The following NAALADL2 variants were observed in gnomAD, a reference collection of about 807,000 sequenced individuals.
NAALADL2 encodes the protein N-acetylated alpha-linked acidic dipeptidase like 2.
NAALADL2 carries 76 observed loss-of-function variants against 87.2 expected under a neutral mutation model. That is an observed-to-expected ratio of 0.87 (90% CI 0.72 to 1.05). The LOEUF (loss-of-function observed/expected upper bound fraction) is 1.05. NAALADL2 is among the 50% of genes least tolerant of loss of function. The pLI is 0.00. For synonymous variants in NAALADL2, 354 were observed against 331.0 expected, an observed-to-expected ratio of 1.07 and a Z score of -0.75; for missense variants, 1,089 against 945.8, an observed-to-expected ratio of 1.15 and a Z score of -1.99.
chr3:175,196,553 A>G (rs1739030698), intron 2 of NAALADL2, among the ~76,000 whole-genome samples: 1 of 151,898 alleles, frequency 6.6e-6, no homozygotes, highest in African/African-American at 2.4e-5. Flanking sequence ...TAAATTCTTC[A>G]GCTTTAGACT....
chr3:174,850,186 AT>A (rs1048877676), intron 3 of NAALADL2, among the ~76,000 whole-genome samples: 70 of 149,450 alleles, frequency 4.7e-4, no homozygotes, highest in African/African-American at 8.8e-4. Flanking sequence ...GGTTGGAAGT[AT>A]TTTTTTTTTC....
chr3:174,490,489 T>C (rs908262785), intron 1 of NAALADL2, among the ~76,000 whole-genome samples: 2 of 152,126 alleles, frequency 1.3e-5, no homozygotes, highest in African/African-American at 4.8e-5. Context: ...TTTGCAACCA[T>C]GTGAATATAC....
At chr3:175,488,432 G>A (rs888421904) in intron 9 of NAALADL2, among the ~76,000 whole-genome samples, 1 of 152,222 alleles carries the variant, frequency 6.6e-6, no homozygotes, top group African/African-American at 2.4e-5. Context: ...TTTTCCATTT[G>A]TCTGGTGTGT....
chr3:174,818,759 A>G (rs1721070852), intron 3 of NAALADL2, among the ~76,000 whole-genome samples: 1 of 152,096 alleles, frequency 6.6e-6, no homozygotes, highest in African/African-American at 2.4e-5. Context: ...GCCTTCGTCT[A>G]TGGGATAGAC....
At chr3:175,697,269 A>G (rs1425811672) in intron 11 of NAALADL2, among the ~76,000 whole-genome samples, 1 of 151,986 alleles carries the variant, frequency 6.6e-6, no homozygotes, top group Non-Finnish European at 1.5e-5. Context: ...AATAGATGTG[A>G]TTCTTCTCAT....
intron 1 of NAALADL2, among the ~76,000 whole-genome samples, chr3:174,898,078 A>C (rs1306809186): frequency 1.4e-4 from 15 of 104,596 alleles, no homozygotes; most frequent in Non-Finnish European, 1.8e-4. Context: ...CCGCCACTGC[A>C]CTCCAGCCTG....
chr3:174,641,879 C>T (rs1433975139), intron 2 of NAALADL2, among the ~76,000 whole-genome samples: 1 of 152,112 alleles, frequency 6.6e-6, no homozygotes, highest in African/African-American at 2.4e-5. Context: ...ACCTCAGGCT[C>T]CTGAGGAGGT....
chr3:175,004,124 C>A (rs1748667843), intron 1 of NAALADL2, among the ~76,000 whole-genome samples: 1 of 151,982 alleles, frequency 6.6e-6, no homozygotes, highest in South Asian at 2.1e-4. Context: ...GCCTGTAATC[C>A]CAGCACTGGG....
intron 1 of NAALADL2, among the ~76,000 whole-genome samples, chr3:174,870,875 C>T (rs994347245): frequency 1.3e-5 from 2 of 152,098 alleles, no homozygotes; most frequent in Non-Finnish European, 2.9e-5. Flanking sequence ...TCTATAGACA[C>T]TGTATTTTAC....
chr3:175,030,011 C>T (rs567196466), intron 1 of NAALADL2, among the ~76,000 whole-genome samples: 163 of 152,164 alleles, frequency 1.1e-3, no homozygotes, highest in African/African-American at 3.7e-3. Flanking sequence ...TCAGCGTGTT[C>T]GTAAGTATTA....
intron 3 of NAALADL2, among the ~76,000 whole-genome samples, chr3:174,747,438 T>G (rs1412076896): frequency 4.1e-4 from 62 of 151,362 alleles, no homozygotes; most frequent in Non-Finnish European, 1.8e-4. Context: ...CCTGACCAAC[T>G]TGGTGAAACC....
chr3:174,933,442 CTG>C (rs1482998209), intron 1 of NAALADL2, among the ~76,000 whole-genome samples: 4 of 152,150 alleles, frequency 2.6e-5, no homozygotes, highest in African/African-American at 9.7e-5. Flanking sequence ...AGTTATTAAA[CTG>C]TATCAGTTTT....
chr3:174,823,440 A>C (rs567206991), intron 3 of NAALADL2, among the ~76,000 whole-genome samples: 71 of 152,260 alleles, frequency 4.7e-4, no homozygotes, highest in Middle Eastern at 3.4e-3. Context: ...CAAATTTACA[A>C]AAGACCACTG....
intron 1 of NAALADL2, among the ~76,000 whole-genome samples, chr3:174,873,576 G>A (rs1300338647): frequency 6.6e-6 from 1 of 152,054 alleles, no homozygotes; most frequent in South Asian, 2.1e-4. Context: ...AAAAATACAA[G>A]CATATATATT....
intron 11 of NAALADL2, among the ~76,000 whole-genome samples, chr3:175,720,576 T>C (rs907596580): frequency 6.6e-6 from 1 of 151,396 alleles, no homozygotes; most frequent in Non-Finnish European, 1.5e-5. Flanking sequence ...AATTTTCCAA[T>C]ATTCATTAAT....
At chr3:174,464,997 A>G (rs1033598545) in intron 1 of NAALADL2, among the ~76,000 whole-genome samples, 2 of 152,102 alleles carry the variant, frequency 1.3e-5, no homozygotes, top group Non-Finnish European at 2.9e-5. Flanking sequence ...ATAAAGGCCT[A>G]AAAACTTTGG....
At chr3:174,747,621 C>CAAA (rs150843588) in intron 3 of NAALADL2, among the ~76,000 whole-genome samples, 2,523 of 38,346 alleles carry the variant, frequency 0.066, 155 homozygotes, top group Middle Eastern at 0.083. Flanking sequence ...GACCCCATCT[C>CAAA]AAAAAAAAAA....
chr3:175,531,934 A>G (rs1238031379), intron 9 of NAALADL2, among the ~76,000 whole-genome samples: 1 of 152,202 alleles, frequency 6.6e-6, no homozygotes, highest in Non-Finnish European at 1.5e-5. Context: ...GCTAATCTCC[A>G]CAGTCCCTCA....
chr3:175,071,779 G>A (rs1344893882), intron 1 of NAALADL2, among the ~76,000 whole-genome samples: 6 of 148,964 alleles, frequency 4.0e-5, no homozygotes, highest in Non-Finnish European at 7.4e-5. Flanking sequence ...CAGAAACAAA[G>A]GATATTAAAA....
Sources: gnomAD v4.1 joint callset for allele counts (sites outside exome capture counted in the v4.1 genomes callset) on GRCh38, gnomAD v4.1.1 for gene constraint, MANE v1.5 for transcripts, NCBI Gene and HGNC (gene_info 2026-07-23, HGNC 2026-07-21) for gene names.